CACHD1: variants seen among roughly 807,000 people sequenced by gnomAD.
The protein encoded by CACHD1 is cache domain containing 1, also known as VWFA and cache domain-containing protein 1.
A neutral mutation model predicts 138.7 loss-of-function variants in CACHD1; 71 were observed. That is an observed-to-expected ratio of 0.51 (90% CI 0.42 to 0.62). The LOEUF is 0.62. Among genes scored for constraint, CACHD1 ranks in the 20% least tolerant of loss-of-function variants. CACHD1 has a pLI of 0.00. For missense variants in CACHD1, 1,389 were observed against 1,625.3 expected, an observed-to-expected ratio of 0.85 and a Z score of 2.50; for synonymous variants, 578 against 591.5, an observed-to-expected ratio of 0.98 and a Z score of 0.33.
chr1:64,618,268 C>T (rs555242823), intron 4 of CACHD1, among the ~76,000 whole-genome samples: 1 of 152,284 alleles, frequency 6.6e-6, no homozygotes, highest in East Asian at 1.9e-4. Context: ...CTCAGCTACA[C>T]AACTAAGAAG....
At chr1:64,688,083 A>G (rs1351148265) in intron 26 of CACHD1, among the ~76,000 whole-genome samples, 1 of 151,796 alleles carries the variant, frequency 6.6e-6, no homozygotes, top group Non-Finnish European at 1.5e-5. Flanking sequence ...CATGAGGCAC[A>G]ATAGCAAGAT....
intron 2 of CACHD1, among the ~76,000 whole-genome samples, chr1:64,569,901 C>G (rs890015089): frequency 6.6e-6 from 1 of 152,088 alleles, no homozygotes; most frequent in Non-Finnish European, 1.5e-5. Context: ...AAAATGGAAA[C>G]AAGTAAGCCC....
intron 1 of CACHD1, among the ~76,000 whole-genome samples, chr1:64,475,815 G>T (rs188280340): frequency 6.6e-6 from 1 of 152,068 alleles, no homozygotes; most frequent in Non-Finnish European, 1.5e-5. Flanking sequence ...CCCAAAGTGG[G>T]GTTAGATTAA....
chr1:64,603,099 C>CTTTTTTTTTTTTTTTT (rs34372401), intron 4 of CACHD1, among the ~76,000 whole-genome samples, 187 bp downstream of exon 4: 1 of 64,896 alleles, frequency 1.5e-5, no homozygotes, highest in African/African-American at 5.0e-5. Context: ...AAGCTTACAT[C>CTTTTTTTTTTTTTTTT]TTTTTTTTTT....
chr1:64,532,900 G>A (rs1407559213), intron 1 of CACHD1, among the ~76,000 whole-genome samples: 1 of 152,204 alleles, frequency 6.6e-6, no homozygotes, highest in Non-Finnish European at 1.5e-5. Flanking sequence ...AGTAGTAGTA[G>A]CAGCAGCAGC....
At chr1:64,629,290 G>A in intron 4 of CACHD1, 65 bp from the exon 5 acceptor site, 1 of 1,558,758 alleles carries the variant, frequency 6.4e-7, no homozygotes, top group Non-Finnish European at 8.7e-7. Context: ...ACAGATGCCT[G>A]AGGAGCAGTG....
intron 1 of CACHD1, among the ~76,000 whole-genome samples, chr1:64,511,127 G>A (rs1315339417): frequency 2.0e-5 from 3 of 152,214 alleles, no homozygotes; most frequent in African/African-American, 7.2e-5. Context: ...GGACATTAAA[G>A]CAGATGGAGT....
Position 64,665,983 on chromosome 1 carries a change from C to T in CACHD1, c.2277-74C>T, listed in dbSNP as rs543236102. ...TCGCACCACTGCACTCCAGCCTGGG[C>T]GACAGAGCAAGACTCCATCTCAAAA... On this transcript the variant is annotated intron_variant, in intron 15 of 26. Coordinates refer to ENST00000651257, the MANE Select transcript of CACHD1 (RefSeq NM_020925.4). 161 of 825,218 alleles carry T rather than the reference C, an allele frequency of 2.0e-4. 1 individual carries two copies. The African/African-American group carries it at 2.4e-3, about 12-fold the overall frequency. 51.1% of individuals were successfully genotyped at this position (825,218 alleles called of 1,614,324 possible).
chr1:64,600,596 A>G (rs1647202553), intron 3 of CACHD1, among the ~76,000 whole-genome samples: 1 of 152,188 alleles, frequency 6.6e-6, no homozygotes, highest in Non-Finnish European at 1.5e-5. Context: ...ACTTATGACC[A>G]GAACAATGCT....
chr1:64,653,812 C>T lies in CACHD1; in HGVS notation c.1595C>T (p.Pro532Leu). ...LTRPYLLSEP[P>L]LHTDIIHYEN... ...AGGCCATATTTATTGTCAGAGCCCC[C>T]ACTTCATACTGACATCATACATTAT... The change falls in exon 11 of 27, where the codon CCA (proline) becomes CTA (leucine). Residue 532 changes from proline (P) to leucine (L), a missense_variant. Transcript: ENST00000651257. 1 of 1,612,480 alleles carries T rather than the reference C, an allele frequency of 6.2e-7. No individual in the cohort carries two copies. Among genetic ancestry groups the T allele is most frequent in the Non-Finnish European group, 8.5e-7 (1 of 1,178,614 alleles).
At chr1:64,502,712 T>A (rs568208232) in intron 1 of CACHD1, among the ~76,000 whole-genome samples, 1 of 152,186 alleles carries the variant, frequency 6.6e-6, no homozygotes, top group African/African-American at 2.4e-5. Context: ...ATGTCAAAAT[T>A]TAGGTGAAGT....
At chr1:64,569,127 G>A (rs994569732) in intron 2 of CACHD1, among the ~76,000 whole-genome samples, 2 of 151,592 alleles carry the variant, frequency 1.3e-5, no homozygotes, top group African/African-American at 4.9e-5. Context: ...CTCCATGTTG[G>A]TCATGCTGGT....
At chr1:64,532,898 TAGC>T in intron 1 of CACHD1, among the ~76,000 whole-genome samples, 1 of 152,194 alleles carries the variant, frequency 6.6e-6, no homozygotes, top group Non-Finnish European at 1.5e-5. Flanking sequence ...CTAGTAGTAG[TAGC>T]AGCAGCAGCA....
At position 64,681,541 on chromosome 1, in the gene CACHD1, G is replaced by GGTTTTTTTTTTTTTT. The variant is rs1553146851; in HGVS notation, c.3484+206_3484+207insGTTTTTTTTTTTTTT. On this transcript the variant is annotated intron_variant, in intron 25 of 26. Coordinates refer to ENST00000651257, the MANE Select transcript of CACHD1 (RefSeq NM_020925.4). ...AGAGAATCTCAAAAGATTTTATTGTGTTTTTTTTTTTTTTTTTTTTTTTGC... is the reference window on the plus strand; with the variant it reads ...AGAGAATCTCAAAAGATTTTATTGTGGTTTTTTTTTTTTTTTTTTTTTTTTTTTTTTTTTTTTTGC... Among the ~76,000 whole-genome samples the GGTTTTTTTTTTTTTT allele has an allele frequency of 1.5e-3, 99 of 68,138 alleles. 14 individuals are homozygous for GGTTTTTTTTTTTTTT. The highest frequency in any genetic ancestry group is 0.011 in the Middle Eastern group (1 of 94). 44.7% of individuals were successfully genotyped at this position (68,138 alleles called of 152,430 possible). A position where few individuals can be genotyped will look rare whatever the true frequency, so the allele number is the denominator to read the frequency against.
At chr1:64,526,381 C>T (rs1336214542) in intron 1 of CACHD1, among the ~76,000 whole-genome samples, 1 of 150,802 alleles carries the variant, frequency 6.6e-6, no homozygotes, top group African/African-American at 2.4e-5. Context: ...GCCATTAGGA[C>T]TGCAAGTGCC....
At chr1:64,561,135 T>C (rs896394561) in intron 2 of CACHD1, among the ~76,000 whole-genome samples, 2 of 151,994 alleles carry the variant, frequency 1.3e-5, no homozygotes, top group African/African-American at 4.8e-5. Flanking sequence ...TTAGGGGAAA[T>C]GTTTAATAAA....
chr1:64,681,942 T>C, intron 25 of CACHD1, 63 bp from the exon 26 acceptor site: 1 of 1,392,536 alleles, frequency 7.2e-7, no homozygotes, highest in Non-Finnish European at 1.0e-6. Flanking sequence ...TCAGAGCAAA[T>C]GTGTTTGAAA....
chr1:64,591,333 A>G (rs1018749420), intron 3 of CACHD1, among the ~76,000 whole-genome samples: 7 of 152,244 alleles, frequency 4.6e-5, no homozygotes, highest in Admixed American at 3.9e-4. Flanking sequence ...GAGGAAGCTC[A>G]ATATGAAGAA....
chr1:64,550,485 A>G (rs1269785543), intron 1 of CACHD1, 109 bp from the exon 2 acceptor site: 3 of 735,688 alleles, frequency 4.1e-6, no homozygotes, highest in Non-Finnish European at 6.6e-6. Context: ...TTTTAATTAA[A>G]TTTTTTTTCT....
Sources: gnomAD v4.1 joint callset for allele counts (sites outside exome capture counted in the v4.1 genomes callset) on GRCh38, gnomAD v4.1.1 for gene constraint, MANE v1.5 for transcripts, NCBI Gene and HGNC (gene_info 2026-07-23, HGNC 2026-07-21) for gene names.